FBXL13: variants seen among roughly 807,000 people sequenced by gnomAD.
The protein encoded by FBXL13 is F-box and leucine-rich repeat protein 13.
In FBXL13, 67 loss-of-function variants were observed where a neutral mutation model predicts 83.6. The ratio of observed to expected loss-of-function variants is 0.80; its 90% CI spans 0.66 to 0.98. The LOEUF (loss-of-function observed/expected upper bound fraction) is 0.98. FBXL13 is among the 50% of genes least tolerant of loss of function. The pLI is 0.00. For synonymous variants in FBXL13, 272 were observed against 299.5 expected, an observed-to-expected ratio of 0.91 and a Z score of 0.95; for missense variants, 822 against 866.5, an observed-to-expected ratio of 0.95 and a Z score of 0.64.
intron 1 of FBXL13, among the ~76,000 whole-genome samples, chr7:103,073,574 G>A (rs778220278): frequency 1.7e-4 from 26 of 152,018 alleles, no homozygotes; most frequent in Non-Finnish European, 3.2e-4. Flanking sequence ...TGCCTCATTC[G>A]CTTAGTCACT....
chr7:102,935,607 T>TA (rs1820158400), intron 8 of FBXL13, among the ~76,000 whole-genome samples: 1 of 152,204 alleles, frequency 6.6e-6, no homozygotes, highest in African/African-American at 2.4e-5. Context: ...ACATGCAAGA[T>TA]AAAGTCATGA....
At chr7:103,028,379 C>T (rs1794163434) in intron 4 of FBXL13, among the ~76,000 whole-genome samples, 1 of 152,220 alleles carries the variant, frequency 6.6e-6, no homozygotes, top group African/African-American at 2.4e-5. Flanking sequence ...CACACAAATG[C>T]ACACAAGATT....
chr7:103,045,776 T>C (rs569023532), intron 2 of FBXL13, among the ~76,000 whole-genome samples: 48 of 152,270 alleles, frequency 3.2e-4, no homozygotes, highest in African/African-American at 1.1e-3. Flanking sequence ...TAAAAAAGAT[T>C]CCCCCCTTTT....
intron 1 of FBXL13, among the ~76,000 whole-genome samples, chr7:103,068,031 G>T (rs945270611): frequency 3.3e-5 from 5 of 152,190 alleles, no homozygotes; most frequent in African/African-American, 1.2e-4. Flanking sequence ...ATGAAGAAAT[G>T]GAGATTTCAG....
intron 6 of FBXL13, among the ~76,000 whole-genome samples, chr7:102,994,402 C>A (rs1468555330): frequency 6.9e-6 from 1 of 144,700 alleles, no homozygotes; most frequent in Non-Finnish European, 1.5e-5. Flanking sequence ...AATATATATT[C>A]TATTTCTTTA....
chr7:103,032,623 T>G (rs186416954), intron 2 of FBXL13, among the ~76,000 whole-genome samples: 1 of 152,292 alleles, frequency 6.6e-6, no homozygotes, highest in East Asian at 1.9e-4. Flanking sequence ...AAAGTTTTAG[T>G]TTTTCCTTCT....
intron 11 of FBXL13, among the ~76,000 whole-genome samples, chr7:102,902,719 T>C (rs1813121853): frequency 6.6e-6 from 1 of 152,152 alleles, no homozygotes; most frequent in Non-Finnish European, 1.5e-5. Context: ...GCACCTTTGC[T>C]GAAAATGAGT....
chr7:103,055,682 G>C (rs1197709261), exon 2 of FBXL13: 10 of 1,285,144 alleles, frequency 7.8e-6, no homozygotes, highest in Non-Finnish European at 1.0e-5. Context: ...TTATAACCAT[G>C]ATCATTCCCT....
intron 19 of FBXL13, among the ~76,000 whole-genome samples, chr7:102,819,865 T>C (rs539138594): frequency 3.9e-5 from 6 of 152,194 alleles, no homozygotes; most frequent in Non-Finnish European, 5.9e-5. Flanking sequence ...CATTTCCAAC[T>C]GCACTGAAGG....
At chr7:102,889,299 T>C (rs1287501592) in intron 11 of FBXL13, among the ~76,000 whole-genome samples, 1 of 152,214 alleles carries the variant, frequency 6.6e-6, no homozygotes, top group Admixed American at 6.5e-5. Flanking sequence ...AATGAATGAA[T>C]GAATGGATTA....
In FBXL13 at chr7:102,940,779, G is replaced by C. The variant is rs924157248; in HGVS notation, c.725-8846C>G. ...TAAATTAAGTAAACACATCGGATTT[G>C]GAAAGAACTGAGAATTACTGCAATA... On this transcript the variant is annotated intron_variant, in intron 8 of 19. Transcript: ENST00000313221. Among the ~76,000 whole-genome samples, 42 of 152,104 alleles carry C rather than the reference G, an allele frequency of 2.8e-4. 1 individual carries two copies. The highest frequency in any genetic ancestry group is 1.5e-5 in the Non-Finnish European group (1 of 68,024).
Position 102,913,171 on chromosome 7 carries a change from C to T in FBXL13, c.923G>A (p.Arg308Gln), listed in dbSNP as rs777670765. ...GTACTGTAAGCCTTTGTCTGTGAAC[C>T]GTCTGCAATAAGCCAAACTAAGATT... Residue 308 changes from arginine (R) to glutamine (Q), a missense_variant, in exon 11 of 20, where the codon CGG becomes CAG. Transcript: ENST00000313221. 26 of 1,614,084 alleles carry T rather than the reference C, an allele frequency of 1.6e-5. No homozygotes were observed. The highest frequency in any genetic ancestry group is 4.4e-5 in the South Asian group (4 of 91,074).
At chr7:102,967,965 A>G in intron 7 of FBXL13, 57 bp downstream of exon 8, 2 of 1,315,760 alleles carry the variant, frequency 1.5e-6, no homozygotes, top group Non-Finnish European at 2.2e-6. Context: ...GCTTCACAGC[A>G]GTCCATTCTC....
intron 8 of FBXL13, among the ~76,000 whole-genome samples, chr7:102,951,405 G>A (rs201303647): frequency 5.8e-5 from 1 of 17,150 alleles, no homozygotes; most frequent in Non-Finnish European, 1.8e-4. Flanking sequence ...ATAAATAAAA[G>A]TTAATTTAAA....
intron 11 of FBXL13, among the ~76,000 whole-genome samples, chr7:102,910,935 T>C (rs537085198): frequency 8.5e-5 from 13 of 152,240 alleles, no homozygotes; most frequent in Middle Eastern, 3.4e-3. Flanking sequence ...ATTTTTTGCA[T>C]TTCTGGTAGA....
chr7:102,927,665 T>C (rs1007985041), intron 9 of FBXL13, among the ~76,000 whole-genome samples: 1 of 152,210 alleles, frequency 6.6e-6, no homozygotes, highest in East Asian at 1.9e-4. Flanking sequence ...GAAGGTTCTA[T>C]GCACCCATGC....
chr7:102,932,085 A>G (rs1026327373), intron 8 of FBXL13, 152 bp from the exon 10 acceptor site: 10 of 638,854 alleles, frequency 1.6e-5, no homozygotes, highest in Admixed American at 3.4e-5. Flanking sequence ...CTTTCCCCAG[A>G]AAAATGGCTT....
At chr7:102,846,101 G>A (rs952069806) in intron 17 of FBXL13, among the ~76,000 whole-genome samples, 5 of 152,168 alleles carry the variant, frequency 3.3e-5, no homozygotes, top group African/African-American at 1.2e-4. Context: ...CTGACATGTA[G>A]TAAGGGCTAA....
intron 11 of FBXL13, among the ~76,000 whole-genome samples, chr7:102,893,693 G>C (rs1439870319): frequency 6.7e-6 from 1 of 149,282 alleles, no homozygotes; most frequent in Non-Finnish European, 1.5e-5. Flanking sequence ...GTGTGAACCT[G>C]GGAGGTGGAG....
Sources: gnomAD v4.1 joint callset for allele counts (sites outside exome capture counted in the v4.1 genomes callset) on GRCh38, gnomAD v4.1.1 for gene constraint, MANE v1.5 for transcripts, NCBI Gene and HGNC (gene_info 2026-07-23, HGNC 2026-07-21) for gene names.